The following FHAD1 variants were observed in gnomAD, a reference collection of about 807,000 sequenced individuals.
The protein encoded by FHAD1 is forkhead associated phosphopeptide binding domain 1, also known as forkhead-associated domain-containing protein 1.
Under a neutral mutation model 191.3 loss-of-function variants are expected in FHAD1, and 146 were observed. That is an observed-to-expected ratio of 0.76 (90% CI 0.67 to 0.88). The LOEUF is 0.88. FHAD1 is among the 40% of genes least tolerant of loss of function. The pLI, the probability that FHAD1 is intolerant of heterozygous loss-of-function variation, is 0.00. For missense variants in FHAD1, 1,635 were observed against 1,785.8 expected (o/e 0.92, Z 1.52); for synonymous variants, 616 against 672.3 (o/e 0.92, Z 1.29).
chr1:15,240,487 T>C (rs1411436085), intron 1 of FHAD1, among the ~76,000 whole-genome samples: 4 of 151,488 alleles, frequency 2.6e-5, no homozygotes, highest in Non-Finnish European at 5.9e-5. Flanking sequence ...ATTAAAAAAA[T>C]AGGCTTAGTG....
Position 15,382,141 on chromosome 1 carries a change from A to T in FHAD1, c.4136A>T (p.Glu1379Val). 6.4e-7 allele frequency: 1 copy of T among 1,552,000 alleles called. No homozygotes were observed. Among genetic ancestry groups the T allele is most frequent in the African/African-American group, 1.4e-5 (1 of 73,124 alleles). ...CTGAAGGAGGCCCTGGAGCGCATGG[A>T]GCACCAGCTGTGCCAGGAGAAGAGG... ...ALLKEALERM[E>V]HQLCQEKRIN... is the part of the protein sequence containing the mutation. The change falls in exon 31 of 34, where the codon GAG becomes GTG. Residue 1379 changes from glutamate to valine, a missense_variant. Physicochemically the swap from Glu to Val is moderately radical, Grantham distance 121 (BLOSUM62 -2). Coordinates refer to ENST00000688493, the MANE Select transcript of FHAD1 (RefSeq NM_001391957.1).
rs1205779617 is a variant in FHAD1 at position 15,382,184 on chromosome 1, G to C, written c.4179G>C (p.Arg1393=). 4 of 1,551,186 alleles carry C rather than the reference G, an allele frequency of 2.6e-6. No individual in the cohort carries two copies. Among genetic ancestry groups the C allele is most frequent in the Non-Finnish European group, 2.6e-6 (3 of 1,146,968 alleles). The part of the protein sequence containing the change: ...CQEKRINRAI[R]QQKESVEEHE... Reference sequence around the variant, plus strand: ...AGAAGAGGATCAACAGGGCCATCCGGCAGCAGAAGGTGAGGCGCTGCTGCC... The same window carrying C: ...AGAAGAGGATCAACAGGGCCATCCGCCAGCAGAAGGTGAGGCGCTGCTGCC... The change falls in exon 31 of 34, where the codon CGG becomes CGC. Residue 1393 remains arginine, a synonymous_variant. Coordinates refer to ENST00000688493, the MANE Select transcript of FHAD1 (RefSeq NM_001391957.1).
chr1:15,240,151 T>C (rs1645187778), intron 1 of FHAD1, among the ~76,000 whole-genome samples: 1 of 152,202 alleles, frequency 6.6e-6, no homozygotes, highest in African/African-American at 2.4e-5. Flanking sequence ...GAGAGTCTAC[T>C]GGGGGTCCAG....
At chr1:15,267,061 T>A (rs4661616) in intron 2 of FHAD1, among the ~76,000 whole-genome samples, 110,948 of 152,134 alleles carry the variant, frequency 0.73, 41,343 homozygotes, top group East Asian at 0.95. Context: ...GAATCTTAAA[T>A]CCCAACAATA....
At chr1:15,256,643 T>C in intron 2 of FHAD1, among the ~76,000 whole-genome samples, 1 of 72,668 alleles carries the variant, frequency 1.4e-5, no homozygotes, top group African/African-American at 6.3e-5. Flanking sequence ...CAAGACTCTG[T>C]CCAAAAAAAA....
intron 21 of FHAD1, 60 bp from the exon 22 acceptor site, chr1:15,360,418 A>G: frequency 4.1e-6 from 6 of 1,449,974 alleles, no homozygotes; most frequent in South Asian, 2.5e-5. Context: ...CAGGGGGCAT[A>G]TTATTGTTGC....
rs189827301 is a variant in FHAD1 at position 15,325,694 on chromosome 1, T to C, written c.1473+1135T>C. The C allele has an allele frequency of 3.6e-3, 551 of 152,542 alleles. 1 individual carries two copies. Among genetic ancestry groups the C allele is most frequent in the Middle Eastern group, 6.7e-3 (2 of 300 alleles). The allele number at this position is 152,542 out of a possible 1,614,324, so 9.4% of individuals were successfully genotyped here. On this transcript the variant is annotated intron_variant, in intron 11 of 33. Coordinates refer to ENST00000688493, the MANE Select transcript of FHAD1 (RefSeq NM_001391957.1). This position sits in a 1 kb window ranked among gnomAD's most constrained non-coding sequence, Gnocchi z 4.6. ...GATTTGAGGGTCTGACCCGTGCTCC[T>C]TGCCCAAGGGCCAAGGTTCTTGTTA...
chr1:15,294,893 G>A (rs971199020), intron 4 of FHAD1, among the ~76,000 whole-genome samples: 5 of 152,108 alleles, frequency 3.3e-5, no homozygotes, highest in Admixed American at 6.6e-5. Flanking sequence ...CAGTAAGGCC[G>A]CAGCTCTAAG....
chr1:15,359,109 A>C (rs1161218501), intron 21 of FHAD1, among the ~76,000 whole-genome samples: 1 of 152,080 alleles, frequency 6.6e-6, no homozygotes, highest in Non-Finnish European at 1.5e-5. Context: ...GGACGACATA[A>C]GGATGGGAGT....
chr1:15,278,857 C>T (rs1223481988), intron 3 of FHAD1, among the ~76,000 whole-genome samples: 1 of 152,102 alleles, frequency 6.6e-6, no homozygotes, highest in Non-Finnish European at 1.5e-5. Flanking sequence ...ATTGATACAT[C>T]TGATAAATAT....
At chr1:15,269,627 A>G (rs1053148143) in intron 2 of FHAD1, among the ~76,000 whole-genome samples, 5 of 152,184 alleles carry the variant, frequency 3.3e-5, no homozygotes, top group African/African-American at 1.2e-4. Context: ...AAGAACGTGC[A>G]CCTTGTTGTT....
At chr1:15,275,296 A>G (rs1657908417) in intron 3 of FHAD1, among the ~76,000 whole-genome samples, 1 of 152,222 alleles carries the variant, frequency 6.6e-6, no homozygotes. Context: ...TTGGCTGTAC[A>G]TGAATTTTAA....
At chr1:15,274,611 C>CA (rs112527521) in intron 3 of FHAD1, among the ~76,000 whole-genome samples, 70 of 145,646 alleles carry the variant, frequency 4.8e-4, no homozygotes, top group Admixed American at 1.7e-3. Flanking sequence ...GACTCCGCCT[C>CA]AAAAAAAAAA....
At chr1:15,244,977 C>T (rs1645829019), upstream of FHAD1, among the ~76,000 whole-genome samples, 1 of 152,188 alleles carries the variant, frequency 6.6e-6, no homozygotes, top group South Asian at 2.1e-4. The surrounding 1 kb of genome is among the most constrained non-coding windows in gnomAD (Gnocchi z 5.1). Context: ...TGCTTCCACT[C>T]CTGGCAGAAA....
At chr1:15,376,071 TTA>T (rs1699523378) in intron 28 of FHAD1, among the ~76,000 whole-genome samples, 1 of 139,508 alleles carries the variant, frequency 7.2e-6, no homozygotes, top group African/African-American at 2.8e-5. Context: ...ATTTATTTAT[TTA>T]TTTATTTTTT....
At chr1:15,364,021 A>G (rs533449440) in intron 23 of FHAD1, 7 of 323,010 alleles carry the variant, frequency 2.2e-5, no homozygotes, top group African/African-American at 1.1e-4. Context: ...TTTAAAATCT[A>G]GAAACGGTGG....
intron 3 of FHAD1, among the ~76,000 whole-genome samples, chr1:15,286,428 G>A (rs191033699): frequency 2.2e-4 from 33 of 152,312 alleles, no homozygotes; most frequent in East Asian, 7.7e-4. Context: ...ACCTGAGCCC[G>A]GAAGGTTAGG....
At chr1:15,320,530 G>A (rs1675906505) in intron 10 of FHAD1, among the ~76,000 whole-genome samples, 1 of 152,054 alleles carries the variant, frequency 6.6e-6, no homozygotes, top group South Asian at 2.1e-4. Context: ...TTTTGAAGCT[G>A]TGTTAGTAGA....
chr1:15,345,662 C>CT, intron 18 of FHAD1, 139 bp downstream of exon 18: 1 of 694,946 alleles, frequency 1.4e-6, no homozygotes. Flanking sequence ...GGCTCAGCTA[C>CT]TTTGGGAAGC....
Sources: gnomAD v4.1 joint callset for allele counts (sites outside exome capture counted in the v4.1 genomes callset) on GRCh38, gnomAD v4.1.1 for gene constraint, Gnocchi (gnomAD v3.1) non-coding constraint, MANE v1.5 for transcripts, NCBI Gene and HGNC (gene_info 2026-07-23, HGNC 2026-07-21) for gene names.